RNF145: variants seen among roughly 807,000 people sequenced by gnomAD.
The protein encoded by RNF145 is ring finger protein 145.
A neutral mutation model predicts 57.3 loss-of-function variants in RNF145; 12 were observed. The ratio of observed to expected loss-of-function variants is 0.21; its 90% CI spans 0.13 to 0.34. The LOEUF (loss-of-function observed/expected upper bound fraction) is 0.34, where lower values mean the gene tolerates loss of function less well. RNF145 is among the 10% of genes least tolerant of loss of function. The pLI is 1.00. For synonymous variants in RNF145, 262 were observed against 288.3 expected (o/e 0.91, Z 0.92); for missense variants, 429 against 799.0 (o/e 0.54, Z 5.58).
intron 9 of RNF145, among the ~76,000 whole-genome samples, chr5:159,161,900 ATCAATTTTTTGAT>A (rs1286618233): frequency 6.6e-5 from 10 of 152,212 alleles, no homozygotes; most frequent in Non-Finnish European, 1.3e-4. Context: ...CTGATGAGTA[ATCAATTTTTTGAT>A]TCATCTTTTT....
chr5:159,181,290 T>C (rs1188635737), intron 4 of RNF145, among the ~76,000 whole-genome samples: 1 of 151,922 alleles, frequency 6.6e-6, no homozygotes, highest in Non-Finnish European at 1.5e-5. Context: ...AATCCTCTAG[T>C]GTAAAGGGCT....
In RNF145 at chr5:159,191,266, G is replaced by T. The variant is rs970046177; in HGVS notation, c.293+3450C>A. 2.0e-5 allele frequency among the ~76,000 whole-genome samples: 3 copies of T among 152,120 alleles called. No homozygotes were observed. The South Asian group carries it at 6.2e-4, about 31-fold the overall frequency. On this transcript the variant is annotated intron_variant, in intron 3 of 10. Coordinates refer to ENST00000424310, the MANE Select transcript of RNF145 (RefSeq NM_001199383.2). ...TAGGTAAGGAAACAATTTGTATCAA[G>T]TCTGATTCTAAAGTTAATTTTCCTT...
chr5:159,202,377 T>C (rs1293603312), intron 2 of RNF145, among the ~76,000 whole-genome samples: 1 of 152,230 alleles, frequency 6.6e-6, no homozygotes, highest in Non-Finnish European at 1.5e-5. Flanking sequence ...TACAGTGTTT[T>C]GCAACATAAA....
intron 1 of RNF145, chr5:159,207,511 A>C: frequency 6.5e-7 from 1 of 1,540,400 alleles, no homozygotes; most frequent in Non-Finnish European, 8.7e-7. Context: ...AGTTAAAAAA[A>C]AAAATTCTAC....
At chr5:159,184,325 T>G (rs942425429) in intron 3 of RNF145, among the ~76,000 whole-genome samples, 4 of 152,240 alleles carry the variant, frequency 2.6e-5, no homozygotes, top group African/African-American at 9.6e-5. Context: ...AAATTCTAAT[T>G]TCACACAACA....
At position 159,166,586 on chromosome 5, in the gene RNF145, T is replaced by G. The variant is rs146274722; in HGVS notation, c.1121+2287A>C. On this transcript the variant is annotated intron_variant, in intron 8 of 10. Transcript: ENST00000424310. ...GTGTTTTTCTAGCTTCATTATAGAG[T>G]AGCACCTGTCTCCACTCATCTGGCA... Among the ~76,000 whole-genome samples, 149 of 152,312 alleles carry G rather than the reference T, an allele frequency of 9.8e-4. 2 individuals are homozygous for G. In the East Asian group the frequency reaches 0.027, roughly 27 times the overall value.
intron 6 of RNF145, among the ~76,000 whole-genome samples, chr5:159,171,201 T>A (rs543709495): frequency 1.3e-5 from 2 of 152,296 alleles, no homozygotes; most frequent in Admixed American, 1.3e-4. Flanking sequence ...CAAATTTAAT[T>A]TCTGAAATGT....
chr5:159,158,808 T>C lies in RNF145; in HGVS notation c.1854A>G (p.Pro618=). 1 of 1,613,994 alleles carries C rather than the reference T, an allele frequency of 6.2e-7. No individual in the cohort carries two copies. ...TGGAACCTTCCTGTATCCTGGTCCC[T>C]GGAGTATGCTCCTGGCCTGGGGGTT... is the stretch of plus-strand genomic sequence containing the variant. ...GTEPPGQEHT[P]GTRIQEGSRD... is the part of the protein sequence containing the mutation. The change falls in exon 11 of 11, where the codon CCA becomes CCG. Residue 618 remains proline, a synonymous_variant. Transcript: ENST00000424310.
intron 2 of RNF145, among the ~76,000 whole-genome samples, chr5:159,197,978 C>A (rs1417332758): frequency 6.6e-6 from 1 of 152,054 alleles, no homozygotes; most frequent in Non-Finnish European, 1.5e-5. Context: ...TGTTGGCTCA[C>A]ATCTGTAATC....
chr5:159,176,327 T>A (rs1034425261), intron 5 of RNF145, among the ~76,000 whole-genome samples: 2 of 152,142 alleles, frequency 1.3e-5, no homozygotes, highest in African/African-American at 2.4e-5. Context: ...ACAGCTTTCA[T>A]TATTAGCTCC....
intron 1 of RNF145, chr5:159,208,236 G>A (rs1168402635): frequency 5.3e-5 from 57 of 1,067,058 alleles, no homozygotes; most frequent in Non-Finnish European, 6.6e-5. Context: ...GGCCGCCGCC[G>A]CCGCGGGGCT....
At chr5:159,160,799 C>T (rs1051745432) in intron 10 of RNF145, among the ~76,000 whole-genome samples, 6 of 152,176 alleles carry the variant, frequency 3.9e-5, no homozygotes, top group African/African-American at 1.4e-4. Flanking sequence ...CTTGTACCCT[C>T]GGATACTTAG....
intron 9 of RNF145, among the ~76,000 whole-genome samples, chr5:159,162,650 G>A (rs1163212401): frequency 6.6e-6 from 1 of 151,668 alleles, no homozygotes; most frequent in Non-Finnish European, 1.5e-5. Flanking sequence ...TAGCCAGGAT[G>A]GTCTCGATCT....
At chr5:159,170,501 T>C (rs191528701) in intron 6 of RNF145, among the ~76,000 whole-genome samples, 2 of 152,330 alleles carry the variant, frequency 1.3e-5, no homozygotes, top group East Asian at 1.9e-4. Context: ...AATATTTTCA[T>C]TGAACTTCTT....
Position 159,166,117 on chromosome 5 carries a change from C to G in RNF145, c.1121+2756G>C, listed in dbSNP as rs528430282. Among the ~76,000 whole-genome samples the G allele has an allele frequency of 2.6e-5, 4 of 152,310 alleles. No homozygotes were observed. In the East Asian group the frequency reaches 7.7e-4, roughly 29 times the overall value. ...CAGATTTTTTCCCTCCCCTTTCTAT[C>G]TCCTTCCTTTTGATTGCATGTAAAA... On this transcript the variant is annotated intron_variant, in intron 8 of 10. Transcript: ENST00000424310.
chr5:159,167,256 C>T (rs1017263861), intron 8 of RNF145, among the ~76,000 whole-genome samples: 3 of 152,112 alleles, frequency 2.0e-5, no homozygotes, highest in Non-Finnish European at 4.4e-5. Context: ...TCTATTTTTC[C>T]TCCCACAGCC....
At chr5:159,189,232 A>T (rs78850427) in intron 3 of RNF145, among the ~76,000 whole-genome samples, 5,842 of 151,740 alleles carry the variant, frequency 0.039, 418 homozygotes, top group African/African-American at 0.13. Flanking sequence ...TGTATCTAGA[A>T]TATATAAAGA....
chr5:159,185,483 A>C (rs1785027533), intron 3 of RNF145, among the ~76,000 whole-genome samples: 1 of 152,206 alleles, frequency 6.6e-6, no homozygotes, highest in African/African-American at 2.4e-5. Flanking sequence ...ATTCTTGGTA[A>C]ATCAGTCCTA....
chr5:159,204,543 C>T (rs1171719192), intron 1 of RNF145, among the ~76,000 whole-genome samples: 2 of 152,106 alleles, frequency 1.3e-5, no homozygotes, highest in African/African-American at 2.4e-5. Flanking sequence ...CAGTGGCACA[C>T]GCCTGTAATC....
Sources: gnomAD v4.1 joint callset for allele counts (sites outside exome capture counted in the v4.1 genomes callset) on GRCh38, gnomAD v4.1.1 for gene constraint, MANE v1.5 for transcripts, NCBI Gene and HGNC (gene_info 2026-07-23, HGNC 2026-07-21) for gene names.